Variants in STX17 observed in about 807,000 individuals in gnomAD.
STX17 encodes the protein syntaxin-17.
In STX17, 29 loss-of-function variants were observed where a neutral mutation model predicts 35.9. The ratio of observed to expected loss-of-function variants is 0.81; its 90% CI spans 0.60 to 1.10. The LOEUF is 1.10. Among genes scored for constraint, STX17 ranks in the 50% least tolerant of loss-of-function variants. STX17 has a pLI of 0.00. For synonymous variants in STX17, 92 were observed against 118.3 expected, an observed-to-expected ratio of 0.78 and a Z score of 1.44; for missense variants, 312 against 352.3, an observed-to-expected ratio of 0.89 and a Z score of 0.92.
At chr9:99,913,929 A>G (rs1828707633) in intron 1 of STX17, 1 of 152,016 alleles carries the variant, frequency 6.6e-6, no homozygotes, top group African/African-American at 2.4e-5. Context: ...CCTTGAAACA[A>G]TGGACTCTAT....
rs777848296 is a variant in STX17 at position 99,968,686 on chromosome 9, A to G, written c.*13A>G. 1.2e-6 allele frequency: 2 copies of G among 1,609,524 alleles called. No homozygotes were observed. Among genetic ancestry groups the G allele is most frequent in the South Asian group, 1.1e-5 (1 of 90,136 alleles). On this transcript the variant is annotated 3_prime_UTR_variant, in exon 8 of 8. Coordinates refer to ENST00000259400, the MANE Select transcript of STX17 (RefSeq NM_017919.3). ...GAAATGCAGTTAAAAACCAAATTTC[A>G]GTATTATTGGTGCCAACATGTCTAT... is the stretch of plus-strand genomic sequence containing the variant.
intron 4 of STX17, among the ~76,000 whole-genome samples, chr9:99,959,495 G>A (rs1057396068): frequency 1.7e-5 from 2 of 118,140 alleles, no homozygotes; most frequent in African/African-American, 6.6e-5. Context: ...ATCTTGCTCT[G>A]TTCACCTAGG....
chr9:99,956,569 T>G (rs1335950108), intron 4 of STX17, among the ~76,000 whole-genome samples: 1 of 152,206 alleles, frequency 6.6e-6, no homozygotes, highest in Non-Finnish European at 1.5e-5. Flanking sequence ...ATGGCAATAA[T>G]GTAAAGCATA....
At chr9:99,960,861 G>T (rs1829815131) in intron 6 of STX17, among the ~76,000 whole-genome samples, 1 of 152,194 alleles carries the variant, frequency 6.6e-6, no homozygotes, top group African/African-American at 2.4e-5. Context: ...CCAAGGAAAA[G>T]CATTTAATTC....
intron 2 of STX17, among the ~76,000 whole-genome samples, chr9:99,923,177 A>G (rs923072883): frequency 6.6e-6 from 1 of 151,628 alleles, no homozygotes; most frequent in Non-Finnish European, 1.5e-5. Flanking sequence ...GGAATATCAC[A>G]TGGGTAAATT....
chr9:99,928,652 A>T, intron 2 of STX17, 126 bp from the exon 3 acceptor site: 3 of 618,016 alleles, frequency 4.9e-6, no homozygotes, highest in Non-Finnish European at 8.4e-6. Flanking sequence ...AATTACCACT[A>T]CTAAATCACT....
At chr9:99,941,722 T>C (rs551183008) in intron 3 of STX17, among the ~76,000 whole-genome samples, 2 of 152,354 alleles carry the variant, frequency 1.3e-5, no homozygotes, top group African/African-American at 4.8e-5. Context: ...CTTAAGACTG[T>C]AGTTTAATTT....
In STX17 at chr9:99,961,338, T is replaced by C. The variant is rs533420310; in HGVS notation, c.582+1183T>C. Among the ~76,000 whole-genome samples the C allele has an allele frequency of 8.6e-4, 131 of 152,268 alleles. 1 individual carries two copies. The highest frequency in any genetic ancestry group is 3.0e-3 in the African/African-American group (123 of 41,558). ...AAGAGTTCACCTGGAGCAATGGCAA[T>C]ACCAGTGTAAAGGTAAAGGACAGCT... On this transcript the variant is annotated intron_variant, in intron 6 of 7. Coordinates refer to ENST00000259400, the MANE Select transcript of STX17 (RefSeq NM_017919.3).
chr9:99,938,537 C>T (rs766479749), intron 3 of STX17, among the ~76,000 whole-genome samples: 13 of 152,182 alleles, frequency 8.5e-5, no homozygotes, highest in Non-Finnish European at 1.8e-4. Flanking sequence ...ATAATGCTAA[C>T]ATTTTGGGAG....
chr9:99,936,089 T>C (rs1238480982), intron 3 of STX17, among the ~76,000 whole-genome samples: 11 of 152,202 alleles, frequency 7.2e-5, no homozygotes, highest in Non-Finnish European at 1.0e-4. Flanking sequence ...CAGTGTTTAA[T>C]TCCTTTTTAT....
chr9:99,940,732 C>T (rs1050349109), intron 3 of STX17, among the ~76,000 whole-genome samples: 6 of 152,186 alleles, frequency 3.9e-5, no homozygotes, highest in African/African-American at 1.4e-4. Context: ...CCGCCTGACT[C>T]AGCCTCCCAA....
At chr9:99,967,524 T>C in intron 6 of STX17, 129 bp from the exon 7 acceptor site, 2 of 563,578 alleles carry the variant, frequency 3.5e-6, no homozygotes, top group South Asian at 4.3e-5. Flanking sequence ...TCAGATGCTA[T>C]TAATGAACCA....
chr9:99,937,942 A>G (rs1208368915), intron 3 of STX17: 2 of 152,230 alleles, frequency 1.3e-5, no homozygotes, highest in African/African-American at 2.4e-5. Context: ...AGGCTTAACT[A>G]TAGCGCTGCT....
intron 3 of STX17, among the ~76,000 whole-genome samples, chr9:99,936,195 G>C (rs1191938918): frequency 6.6e-6 from 1 of 152,182 alleles, no homozygotes; most frequent in Non-Finnish European, 1.5e-5. Context: ...AGGTATTTGT[G>C]TGGACAAAGG....
In STX17 at chr9:99,972,467, G is replaced by C. The variant is rs562399242; in HGVS notation, c.*3794G>C. ...CATTTTGCAGATCATCCCAGAAAAGGGGGTATGATGGTGCTGTGTAGAACT... is the reference window on the plus strand; with the variant it reads ...CATTTTGCAGATCATCCCAGAAAAGCGGGTATGATGGTGCTGTGTAGAACT... On this transcript the variant is annotated 3_prime_UTR_variant, in exon 8 of 8. Coordinates refer to ENST00000259400, the MANE Select transcript of STX17 (RefSeq NM_017919.3). 6.6e-6 allele frequency among the ~76,000 whole-genome samples: 1 copy of C among 152,124 alleles called. No homozygotes were observed. Among genetic ancestry groups the C allele is most frequent in the South Asian group, 2.1e-4 (1 of 4,832 alleles).
chr9:99,931,729 G>C (rs1829129227), intron 3 of STX17, among the ~76,000 whole-genome samples: 1 of 152,226 alleles, frequency 6.6e-6, no homozygotes, highest in South Asian at 2.1e-4. Context: ...CTCTTGGGTT[G>C]CTTGTCTGAT....
At chr9:99,907,913 C>G (rs1828583180) in intron 1 of STX17, among the ~76,000 whole-genome samples, 1 of 152,140 alleles carries the variant, frequency 6.6e-6, no homozygotes, top group South Asian at 2.1e-4. Flanking sequence ...TTGGTCTCCT[C>G]CAGTCTGTGA....
At chr9:99,955,504 AC>A (rs1829688585) in intron 4 of STX17, among the ~76,000 whole-genome samples, 1 of 152,122 alleles carries the variant, frequency 6.6e-6, no homozygotes, top group African/African-American at 2.4e-5. Context: ...GAACTGGAAA[AC>A]ATTTCAGCAA....
intron 6 of STX17, among the ~76,000 whole-genome samples, chr9:99,967,038 T>G (rs1304208076): frequency 6.6e-6 from 1 of 152,208 alleles, no homozygotes; most frequent in African/African-American, 2.4e-5. Flanking sequence ...CATTTTAAAC[T>G]GTCATGATTT....
Sources: gnomAD v4.1 joint callset for allele counts (sites outside exome capture counted in the v4.1 genomes callset) on GRCh38, gnomAD v4.1.1 for gene constraint, MANE v1.5 for transcripts, NCBI Gene and HGNC (gene_info 2026-07-23, HGNC 2026-07-21) for gene names.